The following MACROD2 variants were observed in gnomAD, a reference collection of about 807,000 sequenced individuals.
MACROD2 encodes mono-ADP ribosylhydrolase 2.
In MACROD2, 36 loss-of-function variants were observed where a neutral mutation model predicts 70.4. The observed-to-expected ratio is 0.51, with a 90% CI of 0.39 to 0.68. The LOEUF is 0.68. MACROD2 is among the 30% of genes least tolerant of loss of function. MACROD2 has a pLI of 0.00. For synonymous variants in MACROD2, 172 were observed against 178.8 expected, an observed-to-expected ratio of 0.96 and a Z score of 0.30; for missense variants, 496 against 538.4, an observed-to-expected ratio of 0.92 and a Z score of 0.78.
intron 5 of MACROD2, among the ~76,000 whole-genome samples, chr20:14,963,481 A>G (rs996890747): frequency 6.6e-6 from 1 of 152,224 alleles, no homozygotes; most frequent in African/African-American, 2.4e-5. Flanking sequence ...CCAGAGGCAC[A>G]GGAAATCTGA....
At chr20:14,550,799 A>G (rs1415594722) in intron 4 of MACROD2, among the ~76,000 whole-genome samples, 1 of 152,112 alleles carries the variant, frequency 6.6e-6, no homozygotes, top group East Asian at 1.9e-4. Flanking sequence ...CAATGGCCTT[A>G]GGTGGAAACT....
intron 4 of MACROD2, among the ~76,000 whole-genome samples, chr20:14,495,573 A>G (rs1455031454): frequency 6.6e-6 from 1 of 152,178 alleles, no homozygotes; most frequent in Non-Finnish European, 1.5e-5. Flanking sequence ...TGAGGAAAAC[A>G]GTGTAATGTA....
At chr20:15,777,637 C>CT (rs2051753733) in intron 8 of MACROD2, among the ~76,000 whole-genome samples, 1 of 90,020 alleles carries the variant, frequency 1.1e-5, no homozygotes, top group East Asian at 4.6e-4. Context: ...CTCCTTCCTT[C>CT]CTCTCTCTCT....
At chr20:14,185,711 A>G (rs556300461) in intron 3 of MACROD2, among the ~76,000 whole-genome samples, 3 of 152,308 alleles carry the variant, frequency 2.0e-5, no homozygotes, top group South Asian at 4.1e-4. Context: ...GCAAATTTCA[A>G]CTCAGCTACT....
At chr20:14,090,925 A>G (rs973726585) in intron 3 of MACROD2, among the ~76,000 whole-genome samples, 8 of 152,178 alleles carry the variant, frequency 5.3e-5, no homozygotes, top group Non-Finnish European at 8.8e-5. Flanking sequence ...TTTCAACATG[A>G]CAAAAGCCAT....
chr20:15,244,005 C>T (rs2077083797), intron 6 of MACROD2, among the ~76,000 whole-genome samples: 1 of 152,088 alleles, frequency 6.6e-6, no homozygotes, highest in South Asian at 2.1e-4. Context: ...TTTATAAACT[C>T]ACAATTTAAT....
chr20:15,769,130 G>GTGTTT (rs1474019233), intron 8 of MACROD2, among the ~76,000 whole-genome samples: 1 of 152,128 alleles, frequency 6.6e-6, no homozygotes, highest in Non-Finnish European at 1.5e-5. Context: ...TAATGCAATG[G>GTGTTT]TGTTTTGTTT....
chr20:15,967,564 G>T lies in MACROD2; in HGVS notation c.919G>T (p.Asp307Tyr). 1 of 1,609,728 alleles carries T rather than the reference G, an allele frequency of 6.2e-7. No individual in the cohort carries two copies. The highest frequency in any genetic ancestry group is 8.5e-7 in the Non-Finnish European group (1 of 1,178,076). Reference protein sequence around the residue: ...EDCKDEDFAKDENITKGGEVT... With the variant: ...EDCKDEDFAKYENITKGGEVT... ...TTGTTTGTTGTTAGATTTTGCAAAG[G>T]ATGAAAATATTACAAAAGGCGGTGA... The change falls in exon 13 of 18, where the codon GAT becomes TAT. Residue 307 changes from aspartate to tyrosine, a missense_variant. Coordinates refer to ENST00000684519, the MANE Select transcript of MACROD2 (RefSeq NM_001351661.2).
At chr20:15,944,568 A>G (rs889509162) in intron 12 of MACROD2, among the ~76,000 whole-genome samples, 2 of 152,086 alleles carry the variant, frequency 1.3e-5, no homozygotes, top group Non-Finnish European at 2.9e-5. Context: ...ATCCAGTCTC[A>G]ATTTTGAATT....
chr20:14,217,650 TG>T (rs1178883090), intron 3 of MACROD2, among the ~76,000 whole-genome samples: 1 of 152,162 alleles, frequency 6.6e-6, no homozygotes, highest in African/African-American at 2.4e-5. Context: ...AACTTTTTTT[TG>T]TTGGTAATTT....
chr20:14,141,638 G>A (rs1157357140), intron 3 of MACROD2, among the ~76,000 whole-genome samples: 7 of 150,636 alleles, frequency 4.6e-5, no homozygotes, highest in East Asian at 3.9e-4. Flanking sequence ...CCAGCTACTC[G>A]GGAGGCGGAG....
At chr20:14,321,589 C>A (rs928221492) in intron 3 of MACROD2, among the ~76,000 whole-genome samples, 1 of 152,170 alleles carries the variant, frequency 6.6e-6, no homozygotes, top group Non-Finnish European at 1.5e-5. Context: ...AATGCTGCTA[C>A]CATTTTCAGC....
In MACROD2 at chr20:15,706,890, G is replaced by A. The variant is rs143802250; in HGVS notation, c.646-155855G>A. ...TGACATCACAGGAAGATTTTCACAAGTGGGCCAGGATGTGATTCATGGGCC... is the reference window on the plus strand; with the variant it reads ...TGACATCACAGGAAGATTTTCACAAATGGGCCAGGATGTGATTCATGGGCC... On this transcript the variant is annotated intron_variant, in intron 8 of 17. Coordinates refer to ENST00000684519, the MANE Select transcript of MACROD2 (RefSeq NM_001351661.2). Among the ~76,000 whole-genome samples, 124 of 152,272 alleles carry A rather than the reference G, an allele frequency of 8.1e-4. 2 individuals carry two copies. Among genetic ancestry groups the A allele is most frequent in the African/African-American group, 2.8e-3 (115 of 41,556 alleles).
chr20:15,930,867 T>C (rs1002363673), intron 10 of MACROD2, among the ~76,000 whole-genome samples: 1 of 152,212 alleles, frequency 6.6e-6, no homozygotes, highest in Non-Finnish European at 1.5e-5. Context: ...CATTTACAAC[T>C]ATTAGAACCA....
intron 3 of MACROD2, among the ~76,000 whole-genome samples, chr20:14,230,631 T>TGTGTGTATATATATATA (rs1569217269): frequency 3.2e-5 from 3 of 94,262 alleles, no homozygotes; most frequent in Non-Finnish European, 3.8e-5. Flanking sequence ...TCATTCATGT[T>TGTGTGTATATATATATA]TATATATATA....
At chr20:14,322,175 A>ATATATATATATATATATATATAT (rs2082667141) in intron 3 of MACROD2, among the ~76,000 whole-genome samples, 1 of 66,376 alleles carries the variant, frequency 1.5e-5, no homozygotes, top group Admixed American at 1.5e-4. Flanking sequence ...ATTCTATTGA[A>ATATATATATATATATATATATAT]ATATATATAT....
At chr20:15,243,189 C>G (rs1450680052) in intron 6 of MACROD2, among the ~76,000 whole-genome samples, 1 of 152,116 alleles carries the variant, frequency 6.6e-6, no homozygotes, top group African/African-American at 2.4e-5. Flanking sequence ...GGCAACATCC[C>G]TTGAAGCTGG....
At chr20:14,024,398 T>C (rs1329466957) in intron 2 of MACROD2, among the ~76,000 whole-genome samples, 5 of 152,216 alleles carry the variant, frequency 3.3e-5, no homozygotes, top group Non-Finnish European at 5.9e-5. Context: ...TTTTGCGTGA[T>C]TGCCCTGGCC....
intron 5 of MACROD2, among the ~76,000 whole-genome samples, chr20:15,177,158 G>A (rs1000177835): frequency 2.6e-5 from 4 of 152,326 alleles, no homozygotes; most frequent in South Asian, 2.1e-4. Context: ...GGACAGTAGC[G>A]TGAGCTGAGT....
Sources: gnomAD v4.1 joint callset for allele counts (sites outside exome capture counted in the v4.1 genomes callset) on GRCh38, gnomAD v4.1.1 for gene constraint, MANE v1.5 for transcripts, NCBI Gene and HGNC (gene_info 2026-07-23, HGNC 2026-07-21) for gene names.